KLHL4: variants seen among roughly 807,000 people sequenced by gnomAD.
KLHL4 encodes the protein kelch like family member 4, also known as kelch-like protein 4.
In KLHL4, 17 loss-of-function variants were observed where a neutral mutation model predicts 45.8. The observed-to-expected ratio is 0.37, with a 90% CI of 0.25 to 0.56. The LOEUF (loss-of-function observed/expected upper bound fraction) is 0.56, where lower values mean the gene tolerates loss of function less well. Ranked by LOEUF, KLHL4 falls within the 20% of genes least tolerant of loss-of-function variation. The pLI, the probability that KLHL4 is intolerant of heterozygous loss-of-function variation, is 0.79. For synonymous variants in KLHL4, 224 were observed against 189.9 expected (o/e 1.18, Z -1.47); for missense variants, 544 against 544.9 (o/e 1.00, Z 0.02).
At chrX:87,523,912 G>A (rs868367089) in intron 1 of KLHL4, among the ~76,000 whole-genome samples, 1 of 111,061 alleles carries the variant, frequency 9.0e-6, no homozygotes, top group Non-Finnish European at 1.9e-5. Flanking sequence ...GCAGTGAGCC[G>A]AGATTGCGCC....
intron 9 of KLHL4, among the ~76,000 whole-genome samples, chrX:87,654,935 A>G (rs773346568): frequency 8.4e-4 from 94 of 111,753 alleles, no homozygotes; most frequent in African/African-American, 2.9e-3. Flanking sequence ...TTGGCCATTT[A>G]TATGTCGTTT....
chrX:87,591,482 A>AT (rs1921661090), intron 1 of KLHL4, among the ~76,000 whole-genome samples: 2 of 111,361 alleles, frequency 1.8e-5, no homozygotes, highest in South Asian at 3.7e-4. Flanking sequence ...TCTTACATCC[A>AT]TTTTTTTAGT....
intron 1 of KLHL4, among the ~76,000 whole-genome samples, chrX:87,548,740 T>C (rs1931738174): frequency 9.3e-6 from 1 of 108,049 alleles, no homozygotes; most frequent in African/African-American, 3.4e-5. Flanking sequence ...ACAAGTCTCA[T>C]GGTAACCTCA....
intron 1 of KLHL4, among the ~76,000 whole-genome samples, chrX:87,567,288 TAAAC>T (rs1370093370): frequency 3.6e-5 from 4 of 110,401 alleles, no homozygotes; most frequent in Non-Finnish European, 7.6e-5. Flanking sequence ...AAACAAAACA[TAAAC>T]AAATAAAAAA....
At chrX:87,527,411 C>T (rs73509848) in intron 1 of KLHL4, among the ~76,000 whole-genome samples, 9 of 111,522 alleles carry the variant, frequency 8.1e-5, no homozygotes, top group African/African-American at 2.9e-4. Flanking sequence ...TGGGTGCCTG[C>T]AGCACCACAA....
At chrX:87,555,311 A>G (rs1931944846) in intron 1 of KLHL4, among the ~76,000 whole-genome samples, 1 of 109,620 alleles carries the variant, frequency 9.1e-6, no homozygotes, top group Admixed American at 9.9e-5. Flanking sequence ...TCCTCCTTGT[A>G]CCTCTGGTAG....
intron 1 of KLHL4, among the ~76,000 whole-genome samples, chrX:87,569,985 T>C (rs1932301136): frequency 9.0e-6 from 1 of 111,639 alleles, no homozygotes; most frequent in African/African-American, 3.2e-5. Flanking sequence ...TTTCATGTTG[T>C]GTGAATTTTA....
chrX:87,593,445 A>T (rs1921741056), intron 1 of KLHL4, among the ~76,000 whole-genome samples: 1 of 111,473 alleles, frequency 9.0e-6, no homozygotes, highest in Non-Finnish European at 1.9e-5. Context: ...TGATTATTCT[A>T]CTTGTTTATA....
chrX:87,606,245 G>GT (rs202134030), intron 1 of KLHL4, among the ~76,000 whole-genome samples: 7,553 of 109,614 alleles, frequency 0.069, 624 homozygotes, highest in African/African-American at 0.24. Flanking sequence ...GAATTTGAAA[G>GT]TTTTTTTTTC....
Position 87,635,580 on chromosome X carries a change from G to A in KLHL4, c.1730G>A (p.Gly577Glu), listed in dbSNP as rs1231192431. Residue 577 changes from glycine (G) to glutamate (E), a missense_variant, in exon 9 of 11, where the codon GGA (glycine) becomes GAA (glutamate). Coordinates refer to ENST00000373119, the MANE Select transcript of KLHL4 (RefSeq NM_019117.5). The part of the protein sequence containing the change: ...ALNNKLYAIG[G>E]RDGSSCLKSM... ...TTATCTAGATTATATGCTATTGGTG[G>A]ACGTGATGGAAGTTCCTGCCTCAAA... The A allele has an allele frequency of 8.3e-7, 1 of 1,206,920 alleles. No homozygotes were observed. Among genetic ancestry groups the A allele is most frequent in the Non-Finnish European group, 1.1e-6 (1 of 892,781 alleles).
chrX:87,552,895 T>A (rs191394139), intron 1 of KLHL4, among the ~76,000 whole-genome samples: 10 of 110,149 alleles, frequency 9.1e-5, no homozygotes, highest in Non-Finnish European at 1.7e-4. Context: ...TCTGATAGCA[T>A]AATAGGGTGA....
chrX:87,533,069 G>A (rs1417868242), intron 1 of KLHL4, among the ~76,000 whole-genome samples: 2 of 106,981 alleles, frequency 1.9e-5, no homozygotes, highest in African/African-American at 3.4e-5. Flanking sequence ...TGCTGGAGAG[G>A]ATGTGGAGAA....
intron 2 of KLHL4, 97 bp downstream of exon 2, chrX:87,614,141 A>G: frequency 4.4e-6 from 3 of 682,876 alleles, no homozygotes; most frequent in Non-Finnish European, 6.5e-6. Flanking sequence ...TTGTAAAAAT[A>G]TTTATTTTCC....
At chrX:87,564,401 C>T (rs988581893) in intron 1 of KLHL4, among the ~76,000 whole-genome samples, 6 of 109,597 alleles carry the variant, frequency 5.5e-5, no homozygotes, top group African/African-American at 1.7e-4. Flanking sequence ...ATGTTATTTG[C>T]ACCTAATGGT....
At chrX:87,535,258 T>A (rs12855218) in intron 1 of KLHL4, among the ~76,000 whole-genome samples, 25,925 of 110,660 alleles carry the variant, frequency 0.23, 2,375 homozygotes, top group Non-Finnish European at 0.29. Flanking sequence ...ACTGGGACTA[T>A]CAGACAAATT....
intron 9 of KLHL4, among the ~76,000 whole-genome samples, chrX:87,641,848 G>A (rs149022358): frequency 0.013 from 1,420 of 110,240 alleles, 20 homozygotes; most frequent in African/African-American, 0.043. Context: ...CCGGTGACCC[G>A]GGAATCTCAC....
chrX:87,669,388 G>A lies in KLHL4; in HGVS notation c.*2854G>A, dbSNP rs2147847774. 6 of 1,208,295 alleles carry A rather than the reference G, an allele frequency of 5.0e-6. No homozygotes were observed. In the East Asian group the frequency reaches 1.2e-4, roughly 24 times the overall value. Reference sequence around the variant, plus strand: ...CACAGAAGCTGAAAGAGACTCTGGGGCACTAAATTCAGATCCTTTCTCCAC... The same window carrying A: ...CACAGAAGCTGAAAGAGACTCTGGGACACTAAATTCAGATCCTTTCTCCAC... On this transcript the variant is annotated 3_prime_UTR_variant, in exon 11 of 11. Transcript: ENST00000373119.
chrX:87,556,077 T>G (rs4397561), intron 1 of KLHL4, among the ~76,000 whole-genome samples: 2,526 of 111,125 alleles, frequency 0.023, 73 homozygotes, highest in African/African-American at 0.079. Flanking sequence ...CACTGTAGTC[T>G]GAGAGACAGT....
intron 3 of KLHL4, among the ~76,000 whole-genome samples, 186 bp downstream of exon 3, chrX:87,614,756 T>C (rs1416743317): frequency 9.1e-6 from 1 of 110,377 alleles, no homozygotes; most frequent in East Asian, 2.8e-4. Flanking sequence ...CCTAAAGTAA[T>C]AAAAAGGCAT....
Sources: allele counts gnomAD v4.1 joint callset (sites outside exome capture counted in the v4.1 genomes callset), GRCh38; gene constraint gnomAD v4.1.1; transcripts MANE v1.5; gene names NCBI Gene and HGNC (gene_info 2026-07-23, HGNC 2026-07-21).